Variants in MDGA2 observed in about 807,000 individuals in gnomAD.
MDGA2 encodes the protein MAM domain-containing glycosylphosphatidylinositol anchor protein 2.
A neutral mutation model predicts 117.8 loss-of-function variants in MDGA2; 40 were observed. The observed-to-expected ratio is 0.34, with a 90% CI of 0.26 to 0.44. The LOEUF is 0.44. Among genes scored for constraint, MDGA2 ranks in the 20% least tolerant of loss-of-function variants. MDGA2 has a pLI of 1.00. For synonymous variants in MDGA2, 452 were observed against 439.0 expected (o/e 1.03, Z -0.37); for missense variants, 1,123 against 1,250.6 (o/e 0.90, Z 1.54).
chr14:46,912,262 C>T (rs1354601249), intron 10 of MDGA2, among the ~76,000 whole-genome samples: 1 of 152,172 alleles, frequency 6.6e-6, no homozygotes, highest in African/African-American at 2.4e-5. Context: ...CAAACATACA[C>T]ACGAATGCAC....
intron 6 of MDGA2, among the ~76,000 whole-genome samples, chr14:47,093,069 T>A (rs897134400): frequency 4.6e-5 from 7 of 151,906 alleles, no homozygotes; most frequent in Admixed American, 6.6e-5. Context: ...AACCTATCTA[T>A]CAGGCTGGGG....
chr14:47,119,332 T>A lies in MDGA2; in HGVS notation c.925+12382A>T, dbSNP rs185010978. Among the ~76,000 whole-genome samples the A allele has an allele frequency of 8.9e-3, 1,356 of 152,246 alleles. 5 individuals are homozygous for A. The highest frequency in any genetic ancestry group is 0.017 in the Middle Eastern group (5 of 294). ...TGCCCGCCTCGGCCTCCCAAAGTGC[T>A]AGGATTACAGGCGTGAGCCACCGGG... On this transcript the variant is annotated intron_variant, in intron 5 of 16. Coordinates refer to ENST00000399232, the MANE Select transcript of MDGA2 (RefSeq NM_001113498.3).
chr14:46,863,982 G>A (rs1881616173), intron 14 of MDGA2, among the ~76,000 whole-genome samples: 1 of 151,968 alleles, frequency 6.6e-6, no homozygotes, highest in Admixed American at 6.6e-5. Context: ...AGTTACATAT[G>A]TATACATGTG....
chr14:47,139,003 A>G (rs936788808), intron 4 of MDGA2, among the ~76,000 whole-genome samples: 6 of 152,118 alleles, frequency 3.9e-5, no homozygotes, highest in Admixed American at 2.6e-4. Flanking sequence ...TTCAGGAATA[A>G]ATATTCAATT....
In MDGA2 at chr14:46,884,020, T is replaced by C. The variant is rs749041931; in HGVS notation, c.2239-1799A>G. Among the ~76,000 whole-genome samples, 54 of 152,094 alleles carry C rather than the reference T, an allele frequency of 3.6e-4. No homozygotes were observed. The highest frequency in any genetic ancestry group is 1.5e-3 in the Admixed American group (23 of 15,244). On this transcript the variant is annotated intron_variant, in intron 10 of 16. Coordinates refer to ENST00000399232, the MANE Select transcript of MDGA2 (RefSeq NM_001113498.3). This position sits in a 1 kb window ranked among gnomAD's most constrained non-coding sequence, Gnocchi z 4.1. ...TATTTGCTTGGTTATTTTTCACTGGTGCTGATAATATGGCTTAAAATTCTA... is the reference window on the plus strand; with the variant it reads ...TATTTGCTTGGTTATTTTTCACTGGCGCTGATAATATGGCTTAAAATTCTA...
At chr14:47,341,957 A>C (rs1890637265) in intron 1 of MDGA2, among the ~76,000 whole-genome samples, 1 of 152,074 alleles carries the variant, frequency 6.6e-6, no homozygotes, top group Admixed American at 6.6e-5. Flanking sequence ...CTCCTGCCTC[A>C]GCCTCCCAAG....
At chr14:47,001,222 C>A (rs900509139) in intron 8 of MDGA2, among the ~76,000 whole-genome samples, 1 of 151,398 alleles carries the variant, frequency 6.6e-6, no homozygotes, top group African/African-American at 2.4e-5. Context: ...AGGAATATGA[C>A]GTACAAATAT....
intron 8 of MDGA2, among the ~76,000 whole-genome samples, chr14:46,994,938 T>G (rs1288403734): frequency 6.6e-6 from 1 of 152,138 alleles, no homozygotes; most frequent in Admixed American, 6.6e-5. Flanking sequence ...ACCTTGCTCA[T>G]TACTTTATCC....
chr14:47,521,219 T>G (rs1445438053), intron 1 of MDGA2, among the ~76,000 whole-genome samples: 2 of 152,208 alleles, frequency 1.3e-5, no homozygotes, highest in Non-Finnish European at 2.9e-5. Flanking sequence ...ATTCAATTAT[T>G]GAATAAGAAA....
intron 1 of MDGA2, among the ~76,000 whole-genome samples, chr14:47,632,672 A>G (rs1265085427): frequency 1.3e-5 from 2 of 152,226 alleles, no homozygotes; most frequent in African/African-American, 4.8e-5. Flanking sequence ...AAAGAAACAT[A>G]AATAATGACC....
At chr14:47,492,853 TAC>T (rs1367035469) in intron 1 of MDGA2, among the ~76,000 whole-genome samples, 1 of 152,106 alleles carries the variant, frequency 6.6e-6, no homozygotes, top group African/African-American at 2.4e-5. Flanking sequence ...GTGCAATATA[TAC>T]AGTCTTTTGG....
At chr14:47,056,927 ATAT>A (rs1566597363) in intron 7 of MDGA2, among the ~76,000 whole-genome samples, 1 of 152,136 alleles carries the variant, frequency 6.6e-6, no homozygotes, top group Non-Finnish European at 1.5e-5. Context: ...AGCGTATAGT[ATAT>A]TTAATTATAG....
chr14:46,857,760 T>C (rs1303711985), intron 14 of MDGA2, among the ~76,000 whole-genome samples: 1 of 152,094 alleles, frequency 6.6e-6, no homozygotes, highest in East Asian at 1.9e-4. Context: ...GCTCAAGGGA[T>C]CTTCCCACCT....
chr14:47,226,190 G>A (rs566836431), intron 2 of MDGA2, among the ~76,000 whole-genome samples: 1 of 150,052 alleles, frequency 6.7e-6, no homozygotes, highest in East Asian at 2.0e-4. Flanking sequence ...CTCCAGCCTG[G>A]GCAACAGAGT....
At chr14:47,107,825 G>C (rs994664533) in intron 5 of MDGA2, among the ~76,000 whole-genome samples, 6 of 151,106 alleles carry the variant, frequency 4.0e-5, no homozygotes, top group Non-Finnish European at 8.8e-5. Context: ...CCTCATGTCT[G>C]CGTGCAGTGG....
At chr14:47,574,001 A>C (rs1594924967) in intron 1 of MDGA2, among the ~76,000 whole-genome samples, 1 of 152,118 alleles carries the variant, frequency 6.6e-6, no homozygotes, top group Non-Finnish European at 1.5e-5. Context: ...TTTATTCGCT[A>C]TTCTCTTTTC....
chr14:46,946,343 T>G (rs1192204994), intron 9 of MDGA2, among the ~76,000 whole-genome samples: 2 of 151,998 alleles, frequency 1.3e-5, no homozygotes, highest in East Asian at 3.9e-4. Context: ...TTATTGAAAC[T>G]TGGTGTATTC....
At chr14:47,375,035 T>G (rs559823991) in intron 1 of MDGA2, among the ~76,000 whole-genome samples, 24 of 152,026 alleles carry the variant, frequency 1.6e-4, no homozygotes, top group Non-Finnish European at 3.5e-4. Flanking sequence ...TCTGGCTTAA[T>G]TTATTTCTAA....
At chr14:47,211,994 TA>T (rs1348868908) in intron 3 of MDGA2, among the ~76,000 whole-genome samples, 1 of 152,196 alleles carries the variant, frequency 6.6e-6, no homozygotes, top group Admixed American at 6.6e-5. Context: ...AGTTCCTTTT[TA>T]GCCCACAAAA....
Sources: allele counts gnomAD v4.1 joint callset (sites outside exome capture counted in the v4.1 genomes callset), GRCh38; gene constraint gnomAD v4.1.1; non-coding constraint Gnocchi (gnomAD v3.1); transcripts MANE v1.5; gene names NCBI Gene and HGNC (gene_info 2026-07-23, HGNC 2026-07-21).